BTD: variants seen among roughly 807,000 people sequenced by gnomAD.
The protein encoded by BTD is biotinidase, also known as biocytinase.
Under a neutral mutation model 17.7 loss-of-function variants are expected in BTD, and 13 were observed. That is an observed-to-expected ratio of 0.74 (90% CI 0.48 to 1.17). The LOEUF (loss-of-function observed/expected upper bound fraction) is 1.17. BTD is among the 50% of genes most tolerant of loss of function. BTD has a pLI of 0.00. For synonymous variants in BTD, 240 were observed against 245.2 expected (o/e 0.98, Z 0.20); for missense variants, 674 against 650.4 (o/e 1.04, Z -0.39).
At chr3:15,609,590 T>C (rs2064555917) in intron 1 of BTD, among the ~76,000 whole-genome samples, 1 of 152,200 alleles carries the variant, frequency 6.6e-6, no homozygotes, top group African/African-American at 2.4e-5. Context: ...GTCTCAACTG[T>C]GGAGCTTTAA....
intron 1 of BTD, 32 bp downstream of exon 1, chr3:15,601,926 G>A (rs746875706): frequency 1.2e-5 from 19 of 1,612,388 alleles, no homozygotes; most frequent in African/African-American, 1.3e-5. Flanking sequence ...GCGCGGAGGG[G>A]GTGTGGTAAG....
intron 3 of BTD, among the ~76,000 whole-genome samples, chr3:15,660,189 C>T (rs987101273): frequency 1.3e-5 from 2 of 152,194 alleles, no homozygotes; most frequent in Non-Finnish European, 2.9e-5. Context: ...CCCAGGGTCA[C>T]CCAGCTAGGA....
chr3:15,695,276 A>C, intron 3 of BTD: 18 of 1,237,504 alleles, frequency 1.5e-5, no homozygotes, highest in Non-Finnish European at 2.1e-5. Flanking sequence ...ATTAAGTCTC[A>C]ACTTATATAG....
chr3:15,692,051 T>C (rs1368355253), intron 3 of BTD, among the ~76,000 whole-genome samples: 2 of 150,014 alleles, frequency 1.3e-5, no homozygotes, highest in Non-Finnish European at 3.0e-5. Flanking sequence ...GAGGCGGAAG[T>C]ATCACTTGAG....
intron 3 of BTD, among the ~76,000 whole-genome samples, chr3:15,661,435 A>G (rs988036883): frequency 5.3e-5 from 8 of 151,856 alleles, no homozygotes; most frequent in African/African-American, 1.9e-4. Flanking sequence ...TCATATGCTT[A>G]TTTGCCACCT....
chr3:15,697,514 T>G lies in BTD; in HGVS notation c.400-12546T>G, dbSNP rs531218262. The G allele has an allele frequency of 4.0e-5, 6 of 151,790 alleles. 1 individual carries two copies. The South Asian group carries it at 6.2e-4, about 16-fold the overall frequency. The allele number at this position is 151,790 out of a possible 1,614,324, so 9.4% of individuals were successfully genotyped here. ...AATAAATTTAATCATGTGTTTGTTT[T>G]TTTTTTGCCATTGGTTCTGTTTATG... is the stretch of plus-strand genomic sequence containing the variant. On this transcript the variant is annotated intron_variant, in intron 3 of 3. Coordinates refer to the BTD transcript ENST00000672141.
chr3:15,612,858 G>A (rs927336247), intron 1 of BTD, among the ~76,000 whole-genome samples: 1 of 152,178 alleles, frequency 6.6e-6, no homozygotes, highest in African/African-American at 2.4e-5. Context: ...CAAGGCTACA[G>A]TGAAGTTGTC....
At position 15,641,911 on chromosome 3, in the gene BTD, G is replaced by A. The variant is rs1385213836; in HGVS notation, c.253G>A (p.Val85Ile). Residue 85 changes from valine to isoleucine, a missense_variant, in exon 3 of 4, where the codon GTA becomes ATA. Val to Ile is a conservative substitution (Grantham distance 29, BLOSUM62 3). Coordinates refer to ENST00000643237, the MANE Select transcript of BTD (RefSeq NM_001370658.1). ...QQVMTAAQKD[V>I]QIIVFPEDGI... ...TCTTTGATGTTTTCATTTTCAGGAT[G>A]TACAGATTATAGTGTTTCCAGAAGA... 12 of 1,606,536 alleles carry A rather than the reference G, an allele frequency of 7.5e-6. No homozygotes were observed. Among genetic ancestry groups the A allele is most frequent in the Admixed American group, 1.7e-5 (1 of 59,822 alleles).
At chr3:15,674,209 CG>C (rs2066699583) in intron 3 of BTD, among the ~76,000 whole-genome samples, 1 of 109,706 alleles carries the variant, frequency 9.1e-6, no homozygotes, top group South Asian at 3.2e-4. Flanking sequence ...GAAGAAGAAC[CG>C]AAATTCAAGA....
chr3:15,715,571 G>A (rs1011742784), downstream of BTD, among the ~76,000 whole-genome samples: 3 of 152,182 alleles, frequency 2.0e-5, no homozygotes, highest in Non-Finnish European at 4.4e-5. Flanking sequence ...GAGGCAGTAC[G>A]AGAAAGGAAG....
chr3:15,686,377 A>G, intron 3 of BTD: 1 of 1,249,278 alleles, frequency 8.0e-7, no homozygotes, highest in Non-Finnish European at 1.1e-6. Flanking sequence ...TCCATCTAAA[A>G]GCACATCTTC....
At chr3:15,630,072 A>G in intron 1 of BTD, 2 of 985,448 alleles carry the variant, frequency 2.0e-6, no homozygotes, top group Non-Finnish European at 2.4e-6. Flanking sequence ...ATCCAGTCAT[A>G]TTGTATGAAA....
intron 4 of BTD, among the ~76,000 whole-genome samples, chr3:15,721,322 T>C (rs1409734826): frequency 3.3e-5 from 5 of 152,218 alleles, no homozygotes; most frequent in Non-Finnish European, 5.9e-5. Flanking sequence ...TGGTATTACA[T>C]TGATTTTATA....
At chr3:15,677,133 C>T (rs2067018494) in intron 3 of BTD, 3 of 1,170,650 alleles carry the variant, frequency 2.6e-6, no homozygotes, top group Non-Finnish European at 3.8e-6. Flanking sequence ...ATCTGCAATC[C>T]TAGTCCATAT....
chr3:15,673,610 T>G (rs778954288), intron 3 of BTD, among the ~76,000 whole-genome samples: 10 of 151,638 alleles, frequency 6.6e-5, no homozygotes, highest in Non-Finnish European at 1.2e-4. Flanking sequence ...GAGAATGCTA[T>G]GGTAGGGGTA....
intron 4 of BTD, chr3:15,721,044 T>C (rs982806617): frequency 1.9e-6 from 3 of 1,613,896 alleles, no homozygotes; most frequent in African/African-American, 2.7e-5. Flanking sequence ...CACCACAGTC[T>C]ATAAGTTCAT....
At chr3:15,610,728 C>A (rs1056682842) in intron 1 of BTD, among the ~76,000 whole-genome samples, 1 of 152,108 alleles carries the variant, frequency 6.6e-6, no homozygotes, top group African/African-American at 2.4e-5. Flanking sequence ...TCTTTTGAAG[C>A]CATCTTGTTT....
At chr3:15,710,386 CCT>C (rs763079977) in exon 4 of BTD, among the ~76,000 whole-genome samples, 1 of 151,994 alleles carries the variant, frequency 6.6e-6, no homozygotes, top group Admixed American at 6.6e-5. Flanking sequence ...GTCTGTTGTC[CCT>C]CTCTCTGTAG....
chr3:15,677,582 C>A, intron 3 of BTD: 2 of 1,549,566 alleles, frequency 1.3e-6, no homozygotes, highest in South Asian at 2.2e-5. Flanking sequence ...AAAAGTGCAT[C>A]AATTCTTATG....
Sources: allele counts gnomAD v4.1 joint callset (sites outside exome capture counted in the v4.1 genomes callset), GRCh38; gene constraint gnomAD v4.1.1; transcripts MANE v1.5; gene names NCBI Gene and HGNC (gene_info 2026-07-23, HGNC 2026-07-21).